Variants in LNX1 observed in about 807,000 individuals in gnomAD.
LNX1 encodes ligand of numb-protein X 1.
Under a neutral mutation model 68.4 loss-of-function variants are expected in LNX1, and 54 were observed. The ratio of observed to expected loss-of-function variants is 0.79; its 90% confidence interval spans 0.63 to 0.99. LNX1 has a LOEUF of 0.99. Among genes scored for constraint, LNX1 ranks in the 50% least tolerant of loss-of-function variants. The pLI, the probability that LNX1 is intolerant of heterozygous loss-of-function variation, is 0.00. For synonymous variants in LNX1, 336 were observed against 350.0 expected, an observed-to-expected ratio of 0.96 and a Z score of 0.45; for missense variants, 906 against 926.4, an observed-to-expected ratio of 0.98 and a Z score of 0.29.
intron 1 of LNX1, 101 bp from the exon 2 acceptor site, chr4:53,574,189 C>G: frequency 1.1e-6 from 1 of 943,032 alleles, no homozygotes; most frequent in Non-Finnish European, 1.5e-6. Context: ...GGGAATTGAG[C>G]TACGATTCAG....
chr4:53,532,333 G>A (rs1193891948), intron 2 of LNX1, among the ~76,000 whole-genome samples: 8 of 152,010 alleles, frequency 5.3e-5, no homozygotes, highest in South Asian at 2.1e-4. Flanking sequence ...AAAATTAGCC[G>A]GGCGTGTTGG....
Position 53,575,501 on chromosome 4 carries a change from C to T in LNX1, c.-86-1413G>A, listed in dbSNP as rs368654764. 2.6e-5 allele frequency: 26 copies of T among 985,360 alleles called. No individual in the cohort carries two copies. The East Asian group carries it at 1.4e-3, about 52-fold the overall frequency. The allele number at this position is 985,360 out of a possible 1,614,324, so 61.0% of individuals were successfully genotyped here. A position where few individuals can be genotyped will look rare whatever the true frequency, so the allele number is the denominator to read the frequency against. On this transcript the variant is annotated intron_variant, in intron 1 of 10. Coordinates refer to ENST00000263925, the MANE Select transcript of LNX1 (RefSeq NM_001126328.3). ...GAGACTTAAAGGATATGCTTCTGCC[C>T]TCAGGGAGTCCCCATTCCAGAGGTG...
At chr4:53,491,073 A>G (rs138915510) in intron 6 of LNX1, among the ~76,000 whole-genome samples, 1 of 152,314 alleles carries the variant, frequency 6.6e-6, no homozygotes, top group African/African-American at 2.4e-5. Context: ...TTATTAATCT[A>G]CAAAAGCAAA....
chr4:53,541,757 A>C (rs1728780140), intron 2 of LNX1, among the ~76,000 whole-genome samples: 1 of 152,208 alleles, frequency 6.6e-6, no homozygotes, highest in Non-Finnish European at 1.5e-5. Context: ...AAAAAAAAGT[A>C]GGCCAAGAAG....
exon 1 of LNX1, chr4:53,617,489 C>T (rs946921201): frequency 1.3e-5 from 2 of 152,176 alleles, no homozygotes; most frequent in African/African-American, 4.8e-5. Context: ...GCTGGGGAAA[C>T]ACTTGAATGT....
intron 1 of LNX1, among the ~76,000 whole-genome samples, chr4:53,639,091 A>G (rs1182741562): frequency 2.0e-5 from 3 of 152,246 alleles, no homozygotes; most frequent in Non-Finnish European, 4.4e-5. Flanking sequence ...CTAGGTGCCA[A>G]TCAATGGTGA....
intron 2 of LNX1, among the ~76,000 whole-genome samples, chr4:53,564,921 G>A (rs1029655056): frequency 3.3e-5 from 5 of 152,168 alleles, no homozygotes; most frequent in African/African-American, 4.8e-5. Context: ...ACTCCCACCC[G>A]AATACTGCGC....
chr4:53,467,884 CGAG>C (rs1189679052), intron 9 of LNX1, among the ~76,000 whole-genome samples: 2 of 152,146 alleles, frequency 1.3e-5, no homozygotes, highest in Non-Finnish European at 2.9e-5. Flanking sequence ...CTGAAAGTGA[CGAG>C]GAGAATGGAA....
chr4:53,652,018 TGTGAGAGAGAGAGAGAGA>T (rs1385782210), intron 1 of LNX1: 184 of 102,482 alleles, frequency 1.8e-3, no homozygotes, highest in African/African-American at 6.9e-3. Flanking sequence ...GATGTGTGTG[TGTGAGAGAGAGAGAGAGA>T]GAGAGAGAGA....
At chr4:53,566,606 C>T (rs555414169) in intron 2 of LNX1, among the ~76,000 whole-genome samples, 2 of 150,662 alleles carry the variant, frequency 1.3e-5, no homozygotes, top group African/African-American at 2.5e-5. Flanking sequence ...AGCAAAATAA[C>T]CAGCTAACAT....
intron 9 of LNX1, among the ~76,000 whole-genome samples, chr4:53,468,694 T>G (rs569515942): frequency 6.6e-6 from 1 of 152,254 alleles, no homozygotes; most frequent in East Asian, 1.9e-4. Flanking sequence ...GCAATCCTAG[T>G]CTCTGATAAA....
At chr4:53,461,297 C>CAGA (rs1722059015) in intron 10 of LNX1, 138 bp downstream of exon 10, 2 of 745,612 alleles carry the variant, frequency 2.7e-6, no homozygotes, top group African/African-American at 3.5e-5. Flanking sequence ...TTGGATTTCT[C>CAGA]AGAAGTTGAA....
At chr4:53,570,681 A>AATAC (rs1731090693) in intron 2 of LNX1, among the ~76,000 whole-genome samples, 1 of 150,338 alleles carries the variant, frequency 6.7e-6, no homozygotes, top group Non-Finnish European at 1.5e-5. Flanking sequence ...TAAATAAATA[A>AATAC]ATAAATAAAT....
intron 1 of LNX1, among the ~76,000 whole-genome samples, chr4:53,630,499 G>A (rs572982261): frequency 6.6e-6 from 1 of 152,074 alleles, no homozygotes; most frequent in Non-Finnish European, 1.5e-5. Flanking sequence ...TCTTATTTTT[G>A]TGCTTTTTCT....
chr4:53,474,830 G>A (rs10005424), intron 9 of LNX1, among the ~76,000 whole-genome samples: 85,296 of 151,758 alleles, frequency 0.56, 25,586 homozygotes, highest in Non-Finnish European at 0.67. Context: ...GCAGTGGCGC[G>A]ATCTCAGCTC....
intron 1 of LNX1, among the ~76,000 whole-genome samples, chr4:53,581,742 G>T (rs543439254): frequency 6.6e-6 from 1 of 152,150 alleles, no homozygotes; most frequent in African/African-American, 2.4e-5. Flanking sequence ...CCCACAACAT[G>T]TGGGGATTAT....
chr4:53,478,825 C>T, intron 7 of LNX1, 83 bp from the exon 8 acceptor site: 1 of 1,368,454 alleles, frequency 7.3e-7, no homozygotes, highest in African/African-American at 1.5e-5. Flanking sequence ...AGTGGGTTTC[C>T]ATTTTCTAAA....
At chr4:53,609,709 TATA>T (rs935610784) in intron 2 of LNX1, among the ~76,000 whole-genome samples, 2 of 144,646 alleles carry the variant, frequency 1.4e-5, no homozygotes, top group Non-Finnish European at 3.0e-5. Flanking sequence ...ATAGTACTAT[TATA>T]ATATATAGTA....
chr4:53,560,702 C>A (rs1374196538), intron 2 of LNX1, among the ~76,000 whole-genome samples: 1 of 152,178 alleles, frequency 6.6e-6, no homozygotes, highest in Non-Finnish European at 1.5e-5. Context: ...CATGAGGTGA[C>A]AAACTTGAGG....
Sources: gnomAD v4.1 joint callset for allele counts (sites outside exome capture counted in the v4.1 genomes callset) on GRCh38, gnomAD v4.1.1 for gene constraint, MANE v1.5 for transcripts, NCBI Gene and HGNC (gene_info 2026-07-23, HGNC 2026-07-21) for gene names.